ARHGAP42: variants seen among roughly 807,000 people sequenced by gnomAD.
ARHGAP42 encodes the protein rho GTPase-activating protein 42.
Under a neutral mutation model 125.0 loss-of-function variants are expected in ARHGAP42, and 63 were observed. The ratio of observed to expected loss-of-function variants is 0.50; its 90% CI spans 0.41 to 0.62. The LOEUF is 0.62. Ranked by LOEUF, ARHGAP42 falls within the 20% of genes least tolerant of loss-of-function variation. ARHGAP42 has a pLI of 0.00. For missense variants in ARHGAP42, 766 were observed against 1,024.2 expected (o/e 0.75, Z 3.44); for synonymous variants, 339 against 351.0 (o/e 0.97, Z 0.38).
At chr11:100,967,310 T>C (rs1858120726) in intron 17 of ARHGAP42, among the ~76,000 whole-genome samples, 1 of 152,212 alleles carries the variant, frequency 6.6e-6, no homozygotes, top group Non-Finnish European at 1.5e-5. Context: ...TTTCTTTGAT[T>C]CTCAACTAAA....
At chr11:100,762,581 A>G (rs1189390324) in intron 1 of ARHGAP42, among the ~76,000 whole-genome samples, 3 of 152,228 alleles carry the variant, frequency 2.0e-5, no homozygotes, top group Non-Finnish European at 4.4e-5. Flanking sequence ...CCGATTTTTA[A>G]TATCAGATGA....
intron 3 of ARHGAP42, among the ~76,000 whole-genome samples, chr11:100,837,445 T>C (rs1365083219): frequency 1.3e-5 from 2 of 152,060 alleles, no homozygotes; most frequent in Non-Finnish European, 2.9e-5. Flanking sequence ...ACAAAAGAAT[T>C]TGGAAATGAG....
chr11:100,688,480 C>G lies in ARHGAP42; in HGVS notation c.154+648C>G, dbSNP rs989581113. ...TTAAGGGGTTAAAGGCCAATCAGAA[C>G]TTTTGATGATCTGTAGAATATAAAG... On this transcript the variant is annotated intron_variant, in intron 1 of 23. Transcript: ENST00000298815. Among the ~76,000 whole-genome samples, 8 of 152,266 alleles carry G rather than the reference C, an allele frequency of 5.3e-5. No individual in the cohort carries two copies. In the South Asian group the frequency reaches 1.7e-3, roughly 32 times the overall value.
chr11:100,712,273 C>G (rs973589954), intron 1 of ARHGAP42, among the ~76,000 whole-genome samples: 8 of 152,004 alleles, frequency 5.3e-5, no homozygotes, highest in Admixed American at 5.2e-4. Flanking sequence ...TTAGAATTTA[C>G]TTATAATAGA....
intron 10 of ARHGAP42, among the ~76,000 whole-genome samples, chr11:100,947,400 C>T (rs190935162): frequency 3.3e-5 from 5 of 151,950 alleles, no homozygotes; most frequent in Non-Finnish European, 7.4e-5. Context: ...AATGCTTTGT[C>T]TTAACACATT....
chr11:100,899,666 C>T (rs1341562165), intron 4 of ARHGAP42, among the ~76,000 whole-genome samples: 1 of 132,344 alleles, frequency 7.6e-6, no homozygotes, highest in Admixed American at 8.5e-5. Context: ...ATTGTAGTCC[C>T]TGCTTTTTGT....
chr11:100,903,153 A>ACACACACACACACACACACACACC (rs1200735885), intron 4 of ARHGAP42, among the ~76,000 whole-genome samples: 1 of 151,716 alleles, frequency 6.6e-6, no homozygotes, highest in Non-Finnish European at 1.5e-5. Context: ...ACACACACAC[A>ACACACACACACACACACACACACC]CACCAAGCTT....
At chr11:100,974,736 T>G (rs1210880584) in intron 19 of ARHGAP42, 133 bp downstream of exon 19, 1 of 986,358 alleles carries the variant, frequency 1.0e-6, no homozygotes, top group Non-Finnish European at 1.4e-6. Flanking sequence ...TCTTTTATCA[T>G]TTGTATATTC....
chr11:100,819,600 T>C (rs1340037256), intron 3 of ARHGAP42, among the ~76,000 whole-genome samples: 1 of 152,136 alleles, frequency 6.6e-6, no homozygotes, highest in African/African-American at 2.4e-5. Context: ...TCATGAACTG[T>C]TTGATCACTT....
intron 1 of ARHGAP42, among the ~76,000 whole-genome samples, chr11:100,728,357 C>A (rs2120295771): frequency 6.6e-6 from 1 of 152,128 alleles, no homozygotes; most frequent in Non-Finnish European, 1.5e-5. Flanking sequence ...ATAAAAATTC[C>A]AGTTCTTTCC....
chr11:100,965,699 G>T lies in ARHGAP42; in HGVS notation c.1473G>T (p.Glu491Asp). 6.4e-7 allele frequency: 1 copy of T among 1,550,696 alleles called. No individual in the cohort carries two copies. Among genetic ancestry groups the T allele is most frequent in the Non-Finnish European group, 8.7e-7 (1 of 1,146,884 alleles). Residue 491 changes from glutamate (E) to aspartate (D), a missense_variant, in exon 17 of 24, where the codon GAG (glutamate) becomes GAT (aspartate). By Grantham distance (45) the Glu-to-Asp change is conservative (BLOSUM62 2). Transcript: ENST00000298815. Reference protein sequence around the residue: ...VKSDDQNYRVEAVHALVHKLP... With the variant: ...VKSDDQNYRVDAVHALVHKLP... Reference sequence around the variant, plus strand: ...CTGATGATCAAAACTACAGGGTGGAGGCTGTACATGCATTGGTGCACAAAT... The same window carrying T: ...CTGATGATCAAAACTACAGGGTGGATGCTGTACATGCATTGGTGCACAAAT...
chr11:100,739,306 A>C (rs1044955598), intron 1 of ARHGAP42, among the ~76,000 whole-genome samples: 1 of 151,892 alleles, frequency 6.6e-6, no homozygotes, highest in Non-Finnish European at 1.5e-5. Context: ...AAAGTTCAGG[A>C]CCATTCACTT....
rs1477778694 is a variant in ARHGAP42 at position 100,973,161 on chromosome 11, C to A, written c.1551-14C>A. ...CATATAACTTAAGATATTTTTGTTG[C>A]TTTTTATTTGCAGAGTATCACTACA... On this transcript the variant is annotated splice_polypyrimidine_tract_variant and intron_variant, in intron 17 of 23. Transcript: ENST00000298815. The A allele has an allele frequency of 2.7e-6, 4 of 1,492,246 alleles. No homozygotes were observed. Among genetic ancestry groups the A allele is most frequent in the African/African-American group, 2.8e-5 (2 of 70,494 alleles). The allele number at this position is 1,492,246 out of a possible 1,614,324, so 92.4% of individuals were successfully genotyped here.
intron 22 of ARHGAP42, among the ~76,000 whole-genome samples, chr11:100,985,881 A>G (rs1328305786): frequency 6.6e-6 from 1 of 152,208 alleles, no homozygotes; most frequent in Non-Finnish European, 1.5e-5. Flanking sequence ...TTGAGCTCCA[A>G]CAGGGAAATG....
chr11:100,767,365 A>C (rs909957108), intron 1 of ARHGAP42, among the ~76,000 whole-genome samples: 4 of 152,218 alleles, frequency 2.6e-5, no homozygotes, highest in Non-Finnish European at 5.9e-5. Context: ...GTAGAAGCAG[A>C]ATTCTAACCC....
chr11:100,764,320 A>G (rs1293040031), intron 1 of ARHGAP42, among the ~76,000 whole-genome samples: 1 of 152,170 alleles, frequency 6.6e-6, no homozygotes, highest in Non-Finnish European at 1.5e-5. Context: ...CAATATGCCT[A>G]GCCCCTCCCA....
At chr11:100,846,740 G>C (rs1865075084) in intron 3 of ARHGAP42, among the ~76,000 whole-genome samples, 1 of 152,154 alleles carries the variant, frequency 6.6e-6, no homozygotes, top group African/African-American at 2.4e-5. Flanking sequence ...TCCTGTGGGA[G>C]TTTGAAGAAG....
At chr11:100,932,905 A>G (rs984658664) in intron 6 of ARHGAP42, among the ~76,000 whole-genome samples, 3 of 152,208 alleles carry the variant, frequency 2.0e-5, no homozygotes, top group Non-Finnish European at 4.4e-5. Flanking sequence ...GCATTTGAAT[A>G]GCAGAATAGT....
In ARHGAP42 at chr11:100,823,293, A is replaced by G. The variant is rs1864444234; in HGVS notation, c.312+28127A>G. Among the ~76,000 whole-genome samples, 4 of 152,178 alleles carry G rather than the reference A, an allele frequency of 2.6e-5. No individual in the cohort carries two copies. The South Asian group carries it at 8.3e-4, about 32-fold the overall frequency. ...CATTTAATTTGGTCTGCTTTGTGAA[A>G]GATCGTGCCCTGGAAGACAACTTGC... On this transcript the variant is annotated intron_variant, in intron 3 of 23. Transcript: ENST00000298815.
Sources: allele counts gnomAD v4.1 joint callset (sites outside exome capture counted in the v4.1 genomes callset), GRCh38; gene constraint gnomAD v4.1.1; transcripts MANE v1.5; gene names NCBI Gene and HGNC (gene_info 2026-07-23, HGNC 2026-07-21).